The following CCDC141 variants were observed in gnomAD, a reference collection of about 807,000 sequenced individuals.
CCDC141 encodes coiled-coil domain containing 141.
CCDC141 carries 168 observed loss-of-function variants against 181.0 expected under a neutral mutation model. That is an observed-to-expected ratio of 0.93 (90% CI 0.82 to 1.05). CCDC141 has a LOEUF of 1.05. Ranked by LOEUF, CCDC141 falls within the 50% of genes least tolerant of loss-of-function variation. The pLI, the probability that CCDC141 is intolerant of heterozygous loss-of-function variation, is 0.00. For synonymous variants in CCDC141, 666 were observed against 642.3 expected (o/e 1.04, Z -0.56); for missense variants, 1,902 against 1,788.5 (o/e 1.06, Z -1.14).
chr2:178,917,892 AGGCACTGTTTCTAGCCTTAC>A (rs1178691383), intron 7 of CCDC141, among the ~76,000 whole-genome samples: 3 of 152,236 alleles, frequency 2.0e-5, no homozygotes, highest in African/African-American at 7.2e-5. Context: ...AATCAGGCTA[AGGCACTGTTTCTAGCCTTAC>A]GGCTTGTGTG....
In CCDC141 at chr2:178,869,207, A is replaced by G. The variant is rs1321512532; in HGVS notation, c.2304T>C (p.Leu768=). The G allele has an allele frequency of 7.4e-6, 12 of 1,613,590 alleles. No homozygotes were observed. The highest frequency in any genetic ancestry group is 1.7e-5 in the Admixed American group (1 of 59,966). The part of the protein sequence containing the change: ...VKEKSQQLKD[L]IHFHQKQKER... ...CTTTCTGTTTTTGATGGAAGTGAAT[A>G]AGGTCCTTCAGTTGTTGAGACTTTT... is the stretch of plus-strand genomic sequence containing the variant. The change falls in exon 15 of 24, where the codon CTT becomes CTC. Residue 768 remains leucine (L), a synonymous_variant. Coordinates refer to ENST00000443758, the MANE Select transcript of CCDC141 (RefSeq NM_173648.4).
chr2:178,918,072 G>A lies in CCDC141; in HGVS notation c.1092+641C>T, dbSNP rs188455143. Among the ~76,000 whole-genome samples the A allele has an allele frequency of 8.8e-3, 1,333 of 152,180 alleles. 11 individuals carry two copies. Among genetic ancestry groups the A allele is most frequent in the Non-Finnish European group, 0.013 (877 of 68,002 alleles). ...CTCCATGGGAAACACTATAATGTGG[G>A]CACAAGTGTCCCCCCGAAACAGACC... is the stretch of plus-strand genomic sequence containing the variant. On this transcript the variant is annotated intron_variant, in intron 7 of 23. Coordinates refer to ENST00000443758, the MANE Select transcript of CCDC141 (RefSeq NM_173648.4).
intron 2 of CCDC141, among the ~76,000 whole-genome samples, chr2:179,018,648 A>C (rs1490957603): frequency 1.3e-5 from 2 of 152,160 alleles, no homozygotes; most frequent in Non-Finnish European, 2.9e-5. Flanking sequence ...ATAGCAGCAA[A>C]AAGTAACTCC....
chr2:178,984,852 C>T (rs1288790561), intron 2 of CCDC141, among the ~76,000 whole-genome samples: 1 of 151,958 alleles, frequency 6.6e-6, no homozygotes, highest in Admixed American at 6.6e-5. Context: ...CTTAGACTCC[C>T]ACACATTAAT....
the CCDC141 span, among the ~76,000 whole-genome samples, chr2:178,824,076 A>ACACACACACG: frequency 6.6e-6 from 1 of 152,044 alleles, no homozygotes; most frequent in African/African-American, 2.4e-5. Flanking sequence ...ACACACACAC[A>ACACACACACG]CACACACACA....
At chr2:179,006,628 T>A (rs1204788980) in intron 2 of CCDC141, among the ~76,000 whole-genome samples, 1 of 152,176 alleles carries the variant, frequency 6.6e-6, no homozygotes, top group Admixed American at 6.5e-5. Flanking sequence ...AATGTTTAAC[T>A]TTTTTGTCTA....
chr2:178,839,599 AAAAAAAAAT>A (rs1469382288), intron 22 of CCDC141, among the ~76,000 whole-genome samples: 7 of 150,362 alleles, frequency 4.7e-5, no homozygotes, highest in Non-Finnish European at 3.0e-5. Context: ...AAAAAAAAAA[AAAAAAAAAT>A]GTGTTTTCAG....
chr2:179,006,794 T>C (rs894222959), intron 2 of CCDC141, among the ~76,000 whole-genome samples: 2 of 152,196 alleles, frequency 1.3e-5, no homozygotes, highest in African/African-American at 4.8e-5. Flanking sequence ...GTTTTTGCCA[T>C]TAAAGACTGA....
chr2:178,815,876 A>G, the CCDC141 span, among the ~76,000 whole-genome samples: 1 of 152,118 alleles, frequency 6.6e-6, no homozygotes, highest in Non-Finnish European at 1.5e-5. Context: ...GGGAGAGGCA[A>G]CTGTATTGTT....
chr2:178,973,484 C>T (rs1690989561), intron 4 of CCDC141, among the ~76,000 whole-genome samples: 1 of 152,206 alleles, frequency 6.6e-6, no homozygotes, highest in South Asian at 2.1e-4. Flanking sequence ...AAAAGCAAGA[C>T]ATCAGTTTCA....
intron 15 of CCDC141, among the ~76,000 whole-genome samples, chr2:178,868,849 G>T (rs970296127): frequency 6.6e-6 from 1 of 152,108 alleles, no homozygotes; most frequent in African/African-American, 2.4e-5. Flanking sequence ...ATAAGAGGGA[G>T]GAGAAAGACA....
In CCDC141 at chr2:179,047,315, T is replaced by C; in HGVS notation, c.194A>G (p.His65Arg). Residue 65 changes from histidine (H) to arginine (R), a missense_variant, in exon 2 of 24, where the codon CAT (histidine) becomes CGT (arginine). By Grantham distance (29) the His-to-Arg change is conservative (BLOSUM62 0). Coordinates refer to ENST00000443758, the MANE Select transcript of CCDC141 (RefSeq NM_173648.4). ...SSQDETKKLL[H>R]DHELLLAKLK... is the part of the protein sequence containing the mutation. Reference sequence around the variant, plus strand: ...CTTGGCCAAAAGAAGTTCATGATCATGAAGAAGTTTTTTGGTTTCATCTTG... The same window carrying C: ...CTTGGCCAAAAGAAGTTCATGATCACGAAGAAGTTTTTTGGTTTCATCTTG... The C allele has an allele frequency of 6.5e-7, 1 of 1,543,800 alleles. No homozygotes were observed. The highest frequency in any genetic ancestry group is 8.7e-7 in the Non-Finnish European group (1 of 1,145,376).
At chr2:178,994,801 C>A (rs944956376) in intron 2 of CCDC141, among the ~76,000 whole-genome samples, 1 of 152,150 alleles carries the variant, frequency 6.6e-6, no homozygotes, top group African/African-American at 2.4e-5. Flanking sequence ...CCACCATATG[C>A]CCTAAATCAT....
chr2:179,015,379 A>ATCATATATC (rs2042455316), intron 2 of CCDC141, among the ~76,000 whole-genome samples: 1 of 128,018 alleles, frequency 7.8e-6, no homozygotes, highest in African/African-American at 3.3e-5. Context: ...TATCATATAT[A>ATCATATATC]TCTCATATAT....
chr2:179,025,033 G>T (rs180742905), intron 2 of CCDC141, among the ~76,000 whole-genome samples: 27 of 152,048 alleles, frequency 1.8e-4, no homozygotes, highest in African/African-American at 6.0e-4. Flanking sequence ...GCCCAGTTGA[G>T]AATCACCTAC....
chr2:178,853,741 G>T (rs1575131470), intron 19 of CCDC141, 117 bp from the exon 20 acceptor site: 1 of 782,900 alleles, frequency 1.3e-6, no homozygotes, highest in Non-Finnish European at 2.0e-6. Flanking sequence ...ACATTGGCTT[G>T]AACTTTCTAA....
At chr2:178,889,645 T>C (rs1249235841) in intron 8 of CCDC141, among the ~76,000 whole-genome samples, 1 of 152,154 alleles carries the variant, frequency 6.6e-6, no homozygotes, top group Non-Finnish European at 1.5e-5. Context: ...AGATCCTAAA[T>C]GACCGAGAGG....
At chr2:178,924,601 A>T (rs1410453622) in intron 6 of CCDC141, among the ~76,000 whole-genome samples, 2 of 152,074 alleles carry the variant, frequency 1.3e-5, no homozygotes, top group Non-Finnish European at 2.9e-5. Context: ...GTCTCTTCTC[A>T]TGCTCCCTTC....
At chr2:178,893,399 G>A (rs1032281) in intron 8 of CCDC141, among the ~76,000 whole-genome samples, 7,258 of 152,110 alleles carry the variant, frequency 0.048, 463 homozygotes, top group South Asian at 0.21. Flanking sequence ...AGAATGGCAA[G>A]TTGCTTTCAA....
Sources: allele counts gnomAD v4.1 joint callset (sites outside exome capture counted in the v4.1 genomes callset), GRCh38; gene constraint gnomAD v4.1.1; transcripts MANE v1.5; gene names NCBI Gene and HGNC (gene_info 2026-07-23, HGNC 2026-07-21).